Variants in ZFYVE28 observed in about 807,000 individuals in gnomAD.
ZFYVE28 encodes the protein zinc finger FYVE-type containing 28.
Under a neutral mutation model 82.1 loss-of-function variants are expected in ZFYVE28, and 40 were observed. The observed-to-expected ratio is 0.49, with a 90% confidence interval of 0.38 to 0.63. The LOEUF (loss-of-function observed/expected upper bound fraction) is 0.63, where lower values mean the gene tolerates loss of function less well. Ranked by LOEUF, ZFYVE28 falls within the 30% of genes least tolerant of loss-of-function variation. ZFYVE28 has a pLI of 0.00. For synonymous variants in ZFYVE28, 612 were observed against 546.1 expected (o/e 1.12, Z -1.68); for missense variants, 1,321 against 1,242.1 (o/e 1.06, Z -0.96).
chr4:2,387,282 C>T (rs1024823821), intron 1 of ZFYVE28, among the ~76,000 whole-genome samples: 3 of 152,246 alleles, frequency 2.0e-5, no homozygotes, highest in Non-Finnish European at 4.4e-5. Flanking sequence ...TCAGCCAGGG[C>T]CACCTCTGCA....
chr4:2,301,584 G>C (rs904423252), intron 8 of ZFYVE28, among the ~76,000 whole-genome samples: 1 of 152,180 alleles, frequency 6.6e-6, no homozygotes, highest in Non-Finnish European at 1.5e-5. Flanking sequence ...GTCCATCATG[G>C]GGCACAGAGC....
chr4:2,303,001 C>G (rs1715825368), intron 8 of ZFYVE28, among the ~76,000 whole-genome samples: 1 of 152,238 alleles, frequency 6.6e-6, no homozygotes. Flanking sequence ...AGTCTGGAAC[C>G]ACCTGTACGT....
At chr4:2,302,846 C>T (rs555142224) in intron 8 of ZFYVE28, among the ~76,000 whole-genome samples, 178 of 152,288 alleles carry the variant, frequency 1.2e-3, no homozygotes, top group Non-Finnish European at 1.9e-3. Flanking sequence ...GTCTGGTGGA[C>T]GAAGCCGGAC....
intron 7 of ZFYVE28, among the ~76,000 whole-genome samples, chr4:2,315,968 T>A (rs528550941): frequency 2.4e-4 from 37 of 152,242 alleles, no homozygotes; most frequent in African/African-American, 8.4e-4. Flanking sequence ...TTTCTATTGT[T>A]GTTTCTTGTT....
intron 3 of ZFYVE28, among the ~76,000 whole-genome samples, chr4:2,340,361 C>G (rs1182631886): frequency 9.2e-5 from 14 of 151,908 alleles, no homozygotes; most frequent in Admixed American, 9.2e-4. Flanking sequence ...ACCAAGCTGC[C>G]CTCTGGCACA....
intron 1 of ZFYVE28, 123 bp from the exon 2 acceptor site, chr4:2,354,196 C>T (rs964146488): frequency 2.7e-5 from 30 of 1,129,690 alleles, no homozygotes; most frequent in Admixed American, 1.6e-4. Flanking sequence ...GAGCAGCAGC[C>T]GGCTCTTTTA....
chr4:2,361,525 C>G (rs1275632157), intron 1 of ZFYVE28, among the ~76,000 whole-genome samples: 1 of 152,188 alleles, frequency 6.6e-6, no homozygotes, highest in Non-Finnish European at 1.5e-5. Flanking sequence ...TTTACACGCA[C>G]TACCCCACCC....
In ZFYVE28 at chr4:2,379,213, G is replaced by A. The variant is rs1181028017; in HGVS notation, c.40-25140C>T. Among the ~76,000 whole-genome samples the A allele has an allele frequency of 3.9e-5, 6 of 152,224 alleles. No homozygotes were observed. The South Asian group carries it at 8.3e-4, about 21-fold the overall frequency. On this transcript the variant is annotated intron_variant, in intron 1 of 12. Transcript: ENST00000290974. ...GGCATTGGGGGGACCGCTCCAGGGA[G>A]AGACAGAGCCCTCAACAATCAAAGA...
At chr4:2,302,145 A>G (rs1006253865) in intron 8 of ZFYVE28, among the ~76,000 whole-genome samples, 1 of 152,182 alleles carries the variant, frequency 6.6e-6, no homozygotes, top group Non-Finnish European at 1.5e-5. Context: ...GGGATGGGGG[A>G]TACGCGGGTG....
chr4:2,278,666 C>T (rs1257914003), intron 8 of ZFYVE28, among the ~76,000 whole-genome samples: 1 of 150,668 alleles, frequency 6.6e-6, no homozygotes, highest in Non-Finnish European at 1.5e-5. Flanking sequence ...AGAAAACCCA[C>T]AGAATAATTT....
chr4:2,378,729 C>T (rs763618396), intron 1 of ZFYVE28, among the ~76,000 whole-genome samples: 5 of 152,208 alleles, frequency 3.3e-5, no homozygotes, highest in Non-Finnish European at 5.9e-5. Flanking sequence ...TCCACCCCTG[C>T]TCCATCCACC....
In ZFYVE28 at chr4:2,339,685, C is replaced by A. The variant is rs768974518; in HGVS notation, c.319-30G>T. The A allele has an allele frequency of 1.9e-6, 3 of 1,560,636 alleles. No individual in the cohort carries two copies. The highest frequency in any genetic ancestry group is 1.2e-5 in the South Asian group (1 of 85,528). On this transcript the variant is annotated intron_variant, in intron 3 of 12. Coordinates refer to ENST00000290974, the MANE Select transcript of ZFYVE28 (RefSeq NM_020972.3). The surrounding 1 kb of genome is among the most constrained non-coding windows in gnomAD (Gnocchi z 5.0). ...GGGAGGGGACACACTCAGGGAGGGG[C>A]CCGGGTGAGGGCCAGGCTCTCAGGG...
intron 8 of ZFYVE28, among the ~76,000 whole-genome samples, chr4:2,290,149 C>A (rs529713652): frequency 1.0e-3 from 153 of 152,304 alleles, no homozygotes; most frequent in African/African-American, 3.6e-3. Flanking sequence ...AGGGGACTCA[C>A]GTGCAAGATC....
intron 8 of ZFYVE28, among the ~76,000 whole-genome samples, chr4:2,299,647 A>AG (rs1242061772): frequency 3.5e-5 from 1 of 28,400 alleles, no homozygotes. Flanking sequence ...AAGGGAGGGG[A>AG]GGGAGGGAGG....
At position 2,332,841 on chromosome 4, in the gene ZFYVE28, G is replaced by A. The variant is rs1043695327; in HGVS notation, c.701+2864C>T. 6.6e-6 allele frequency among the ~76,000 whole-genome samples: 1 copy of A among 152,132 alleles called. No homozygotes were observed. Among genetic ancestry groups the A allele is most frequent in the Non-Finnish European group, 1.5e-5 (1 of 68,012 alleles). On this transcript the variant is annotated intron_variant, in intron 6 of 12. Coordinates refer to ENST00000290974, the MANE Select transcript of ZFYVE28 (RefSeq NM_020972.3). This position sits in a 1 kb window ranked among gnomAD's most constrained non-coding sequence, Gnocchi z 4.7. ...CGCCCTGCTCGAGGCTCGCTGCACA[G>A]AGGGTTGCAGTGGCAGCCTGGTGCA...
At chr4:2,374,424 C>G (rs4132856) in intron 1 of ZFYVE28, among the ~76,000 whole-genome samples, 101,506 of 151,888 alleles carry the variant, frequency 0.67, 34,238 homozygotes, top group East Asian at 0.8. Context: ...CCAGCCTGTA[C>G]AACACAGTGA....
intron 1 of ZFYVE28, among the ~76,000 whole-genome samples, chr4:2,371,974 G>A (rs1727606757): frequency 6.6e-6 from 1 of 152,224 alleles, no homozygotes; most frequent in African/African-American, 2.4e-5. Context: ...GAGCAGCCTA[G>A]AGGCACAGAC....
chr4:2,303,010 G>A (rs960289462), intron 8 of ZFYVE28, among the ~76,000 whole-genome samples: 13 of 152,322 alleles, frequency 8.5e-5, no homozygotes, highest in South Asian at 2.1e-4. Flanking sequence ...CCACCTGTAC[G>A]TGAATGTGTT....
intron 1 of ZFYVE28, among the ~76,000 whole-genome samples, chr4:2,396,172 C>T: frequency 3.1e-5 from 1 of 32,634 alleles, no homozygotes; most frequent in Non-Finnish European, 7.4e-5. Context: ...AGAGGGGACA[C>T]AAGGTGGGGG....
Sources: gnomAD v4.1 joint callset for allele counts (sites outside exome capture counted in the v4.1 genomes callset) on GRCh38, gnomAD v4.1.1 for gene constraint, Gnocchi (gnomAD v3.1) non-coding constraint, MANE v1.5 for transcripts, NCBI Gene and HGNC (gene_info 2026-07-23, HGNC 2026-07-21) for gene names.